The following KLHL3 variants were observed in gnomAD, a reference collection of about 807,000 sequenced individuals.
The protein encoded by KLHL3 is kelch-like protein 3.
In KLHL3, 19 loss-of-function variants were observed where a neutral mutation model predicts 70.5. That is an observed-to-expected ratio of 0.27 (90% CI 0.19 to 0.40). The LOEUF is 0.40. Among genes scored for constraint, KLHL3 ranks in the 10% least tolerant of loss-of-function variants. KLHL3 has a pLI of 1.00. For missense variants in KLHL3, 512 were observed against 771.1 expected (o/e 0.66, Z 3.98); for synonymous variants, 258 against 290.3 (o/e 0.89, Z 1.13).
chr5:137,702,784 G>A (rs993212001), intron 3 of KLHL3, among the ~76,000 whole-genome samples: 4 of 152,176 alleles, frequency 2.6e-5, no homozygotes, highest in African/African-American at 7.2e-5. Context: ...CTTTAAATAC[G>A]TAGACCATTA....
rs138942924 is a variant in KLHL3 at position 137,662,240 on chromosome 5, TACACACAC to T, written c.637-217_637-210del. The stretch of plus-strand genomic sequence containing the variant: ...TCAGAGAGTGATCACACACACACTC[TACACACAC>T]ACACACACACACACACACACACACA... On this transcript the variant is annotated intron_variant, in intron 6 of 14. Coordinates refer to ENST00000309755, the MANE Select transcript of KLHL3 (RefSeq NM_017415.3). Among the ~76,000 whole-genome samples the T allele has an allele frequency of 0.031, 4,455 of 141,824 alleles. 105 individuals carry two copies. Among genetic ancestry groups the T allele is most frequent in the African/African-American group, 0.072 (2,750 of 38,308 alleles). The allele number at this position is 141,824 out of a possible 152,430, so 93.0% of individuals were successfully genotyped here. A position where few individuals can be genotyped will look rare whatever the true frequency, so the allele number is the denominator to read the frequency against.
intron 6 of KLHL3, among the ~76,000 whole-genome samples, chr5:137,665,084 G>A (rs1751581156): frequency 6.6e-6 from 1 of 152,118 alleles, no homozygotes. Flanking sequence ...GAATCTTACG[G>A]TGAGGAAACG....
chr5:137,697,041 G>A (rs187553408), intron 4 of KLHL3, among the ~76,000 whole-genome samples: 12 of 152,052 alleles, frequency 7.9e-5, no homozygotes, highest in East Asian at 7.7e-4. Context: ...TCATCTCCTC[G>A]GTGCACCAAA....
At chr5:137,635,918 G>C (rs937254495) in intron 11 of KLHL3, among the ~76,000 whole-genome samples, 2 of 152,066 alleles carry the variant, frequency 1.3e-5, no homozygotes, top group Non-Finnish European at 2.9e-5. Flanking sequence ...CATTCCATCT[G>C]CATCAGCTGA....
At chr5:137,692,667 C>G in intron 4 of KLHL3, 1 of 522,846 alleles carries the variant, frequency 1.9e-6, no homozygotes, top group South Asian at 2.5e-5. Context: ...TACAGCCATG[C>G]TTCCCAGTCT....
At chr5:137,716,809 G>A (rs139990063) in intron 2 of KLHL3, among the ~76,000 whole-genome samples, 2 of 152,250 alleles carry the variant, frequency 1.3e-5, no homozygotes, top group Non-Finnish European at 2.9e-5. Flanking sequence ...CAGAAAATTT[G>A]TTGATATCAG....
At chr5:137,652,151 G>A (rs181423608) in intron 8 of KLHL3, among the ~76,000 whole-genome samples, 2 of 152,056 alleles carry the variant, frequency 1.3e-5, no homozygotes, top group East Asian at 3.9e-4. Flanking sequence ...ATTAGGCAAA[G>A]ATTTTTTATA....
At chr5:137,709,619 G>A (rs1360341907) in intron 3 of KLHL3, 131 bp downstream of exon 3, 4 of 704,404 alleles carry the variant, frequency 5.7e-6, no homozygotes, top group Non-Finnish European at 1.0e-5. Flanking sequence ...ACACTATCTG[G>A]CGTAGAGAAG....
chr5:137,651,213 G>A (rs1751192317), intron 8 of KLHL3, among the ~76,000 whole-genome samples: 2 of 152,216 alleles, frequency 1.3e-5, no homozygotes, highest in South Asian at 4.1e-4. Context: ...ACACAGATGA[G>A]TAATGCCTGC....
At chr5:137,700,984 T>C (rs1381599652) in intron 3 of KLHL3, among the ~76,000 whole-genome samples, 3 of 152,076 alleles carry the variant, frequency 2.0e-5, no homozygotes, top group Admixed American at 1.3e-4. Context: ...TTGAAACAAG[T>C]CCAGGAGGTA....
chr5:137,635,924 G>A (rs1251761529), intron 11 of KLHL3, among the ~76,000 whole-genome samples: 1 of 152,100 alleles, frequency 6.6e-6, no homozygotes, highest in Non-Finnish European at 1.5e-5. Context: ...ATCTGCATCA[G>A]CTGAAAAAAT....
chr5:137,717,675 T>A (rs1362629193), intron 2 of KLHL3, among the ~76,000 whole-genome samples: 1 of 152,244 alleles, frequency 6.6e-6, no homozygotes, highest in Non-Finnish European at 1.5e-5. Flanking sequence ...ATTACAATGG[T>A]TACCACTATG....
chr5:137,665,689 C>A (rs1296365985), intron 6 of KLHL3, among the ~76,000 whole-genome samples: 2 of 152,116 alleles, frequency 1.3e-5, no homozygotes, highest in African/African-American at 4.8e-5. Flanking sequence ...GAAATGAAAG[C>A]TTTATCTGCC....
intron 8 of KLHL3, among the ~76,000 whole-genome samples, chr5:137,647,968 C>T (rs1751099104): frequency 6.6e-6 from 1 of 152,170 alleles, no homozygotes; most frequent in South Asian, 2.1e-4. Flanking sequence ...AGGATGCTTC[C>T]CATATGGGTG....
intron 3 of KLHL3, 124 bp downstream of exon 3, chr5:137,709,626 G>A (rs1752754697): frequency 4.1e-6 from 3 of 737,690 alleles, no homozygotes; most frequent in East Asian, 2.6e-5. Flanking sequence ...CTGGCGTAGA[G>A]AAGCCCCTCA....
At chr5:137,709,635 C>T (rs1050166608) in intron 3 of KLHL3, 115 bp downstream of exon 3, 1 of 796,544 alleles carries the variant, frequency 1.3e-6, no homozygotes, top group Non-Finnish European at 2.1e-6. Flanking sequence ...AGAAGCCCCT[C>T]ATAGTGGGCT....
chr5:137,649,191 A>G (rs1751136052), intron 8 of KLHL3, among the ~76,000 whole-genome samples: 1 of 152,254 alleles, frequency 6.6e-6, no homozygotes, highest in Non-Finnish European at 1.5e-5. Flanking sequence ...TGATACTACT[A>G]CACTCAGACG....
At chr5:137,680,838 C>CTTTAA (rs1752007141) in intron 5 of KLHL3, among the ~76,000 whole-genome samples, 3 of 152,106 alleles carry the variant, frequency 2.0e-5, no homozygotes, top group African/African-American at 7.2e-5. Flanking sequence ...GCCACTGCGG[C>CTTTAA]CGGCAGCACC....
Position 137,725,829 on chromosome 5 carries a change from T to C in KLHL3, c.15-5245A>G, listed in dbSNP as rs959443393. Among the ~76,000 whole-genome samples, 4 of 152,194 alleles carry C rather than the reference T, an allele frequency of 2.6e-5. No individual in the cohort carries two copies. The South Asian group carries it at 8.3e-4, about 32-fold the overall frequency. The stretch of plus-strand genomic sequence containing the variant: ...ATGATGAACCCACTGCAGTGGATGG[T>C]TCAACAGCCCACAGAAAGGGTGTTG... On this transcript the variant is annotated intron_variant, in intron 1 of 14. Coordinates refer to ENST00000309755, the MANE Select transcript of KLHL3 (RefSeq NM_017415.3).
Sources: gnomAD v4.1 joint callset for allele counts (sites outside exome capture counted in the v4.1 genomes callset) on GRCh38, gnomAD v4.1.1 for gene constraint, MANE v1.5 for transcripts, NCBI Gene and HGNC (gene_info 2026-07-23, HGNC 2026-07-21) for gene names.